MTNAP1: variants seen among roughly 807,000 people sequenced by gnomAD.
MTNAP1 encodes the protein mitochondrial nucleoid-associated protein 1.
the MTNAP1 span, among the ~76,000 whole-genome samples, chr17:73,234,939 G>A: frequency 6.6e-6 from 1 of 152,124 alleles, no homozygotes; most frequent in Non-Finnish European, 1.5e-5. Flanking sequence ...GCTGGGCGTG[G>A]GCGTGGTAGC....
At chr17:73,239,359 T>C in the MTNAP1 span, among the ~76,000 whole-genome samples, 4 of 152,152 alleles carry the variant, frequency 2.6e-5, no homozygotes, top group Non-Finnish European at 5.9e-5. Context: ...TGATACACAC[T>C]TTTCATTTTA....
the MTNAP1 span, chr17:73,248,314 G>A: frequency 1.6e-6 from 1 of 614,956 alleles, no homozygotes; most frequent in South Asian, 2.0e-5. Context: ...TGTGAGGCGG[G>A]GTAACTACTC....
chr17:73,245,769 T>A, the MTNAP1 span: 1 of 943,202 alleles, frequency 1.1e-6, no homozygotes, highest in Non-Finnish European at 1.3e-6. Context: ...TTAAGCTGAT[T>A]TTTAAAATAG....
chr17:73,239,845 C>G, the MTNAP1 span, among the ~76,000 whole-genome samples: 78,175 of 151,980 alleles, frequency 0.51, 20,180 homozygotes, highest in East Asian at 0.62. Flanking sequence ...TAAGTGACTT[C>G]CCTATGTTCA....
At chr17:73,242,141 T>C in the MTNAP1 span, 1 of 666,282 alleles carries the variant, frequency 1.5e-6, no homozygotes, top group South Asian at 2.2e-5. Context: ...CTGTTTAGAA[T>C]ATGCTCTTCC....
the MTNAP1 span, chr17:73,245,834 T>C: frequency 1.8e-6 from 1 of 568,220 alleles, no homozygotes; most frequent in Non-Finnish European, 2.2e-6. Context: ...AGTATAATAA[T>C]GAACCGGTGG....
chr17:73,238,750 T>C, the MTNAP1 span, among the ~76,000 whole-genome samples: 1 of 152,206 alleles, frequency 6.6e-6, no homozygotes, highest in South Asian at 2.1e-4. Context: ...TTGTGGATGA[T>C]GAAACAGGCA....
chr17:73,237,435 CAA>C, the MTNAP1 span, among the ~76,000 whole-genome samples: 222 of 148,666 alleles, frequency 1.5e-3, 6 homozygotes, highest in East Asian at 0.035. Flanking sequence ...GACCCTGTCT[CAA>C]AAAAAAAAAA....
chr17:73,234,197 T>C, the MTNAP1 span, among the ~76,000 whole-genome samples: 1 of 152,216 alleles, frequency 6.6e-6, no homozygotes, highest in Non-Finnish European at 1.5e-5. Context: ...TTTCCTGCCC[T>C]CTGGAACTTT....
At chr17:73,245,693 A>G in the MTNAP1 span, 4 of 985,338 alleles carry the variant, frequency 4.1e-6, no homozygotes, top group South Asian at 1.9e-4. Context: ...GGTGTGAGAA[A>G]CACAAGAGCT....
At chr17:73,238,680 A>AT in the MTNAP1 span, among the ~76,000 whole-genome samples, 13 of 152,072 alleles carry the variant, frequency 8.5e-5, no homozygotes, top group Non-Finnish European at 1.0e-4. Context: ...CTCCATCTGT[A>AT]TTTTTTTTAT....
At chr17:73,236,831 C>G in the MTNAP1 span, 1 of 1,614,096 alleles carries the variant, frequency 6.2e-7, no homozygotes, top group Non-Finnish European at 8.5e-7. Flanking sequence ...CATGCTGCAG[C>G]TGCTGGCAGG....
chr17:73,238,703 G>T, the MTNAP1 span, among the ~76,000 whole-genome samples: 1 of 152,152 alleles, frequency 6.6e-6, no homozygotes, highest in African/African-American at 2.4e-5. Flanking sequence ...TGGGCACAAG[G>T]TGGACAGAGA....
the MTNAP1 span, chr17:73,242,998 G>T: frequency 1.2e-6 from 2 of 1,610,368 alleles, no homozygotes; most frequent in Non-Finnish European, 8.5e-7. Flanking sequence ...AGTTTCAGAC[G>T]TCTGAGTAAG....
chr17:73,241,405 A>G, the MTNAP1 span, among the ~76,000 whole-genome samples: 77,554 of 151,298 alleles, frequency 0.51, 19,903 homozygotes, highest in East Asian at 0.62. Flanking sequence ...TGATCCACCC[A>G]CCTCAGCCTC....
At chr17:73,242,866 TAAC>T in the MTNAP1 span, 10 of 1,584,356 alleles carry the variant, frequency 6.3e-6, no homozygotes, top group Middle Eastern at 1.9e-4. Context: ...TCAGTTGCTG[TAAC>T]AACAAGCCGT....
At chr17:73,237,048 G>T in the MTNAP1 span, 8 of 1,464,458 alleles carry the variant, frequency 5.5e-6, no homozygotes, top group Admixed American at 2.4e-5. Flanking sequence ...TGCTCTCTCT[G>T]CCTTTTGAAT....
the MTNAP1 span, among the ~76,000 whole-genome samples, chr17:73,244,023 T>C: frequency 3.9e-5 from 6 of 152,356 alleles, no homozygotes; most frequent in South Asian, 1.2e-3. Flanking sequence ...TAAGTCTTAT[T>C]GCTATCTCAG....
the MTNAP1 span, among the ~76,000 whole-genome samples, chr17:73,238,354 G>A: frequency 1.3e-5 from 2 of 152,124 alleles, no homozygotes; most frequent in Admixed American, 1.3e-4. Flanking sequence ...CAGGAGACCT[G>A]TAACAACTCA....
Sources: allele counts gnomAD v4.1 joint callset (sites outside exome capture counted in the v4.1 genomes callset), GRCh38; gene constraint gnomAD v4.1.1; transcripts MANE v1.5; gene names NCBI Gene and HGNC (gene_info 2026-07-23, HGNC 2026-07-21).